FOXJ3: variants seen among roughly 807,000 people sequenced by gnomAD.
FOXJ3 encodes the protein forkhead box protein J3.
Under a neutral mutation model 76.1 loss-of-function variants are expected in FOXJ3, and 22 were observed. That is an observed-to-expected ratio of 0.29 (90% CI 0.21 to 0.41). The LOEUF is 0.41. Ranked by LOEUF, FOXJ3 falls within the 10% of genes least tolerant of loss-of-function variation. The pLI, the probability that FOXJ3 is intolerant of heterozygous loss-of-function variation, is 1.00. For missense variants in FOXJ3, 613 were observed against 762.1 expected, an observed-to-expected ratio of 0.80 and a Z score of 2.30; for synonymous variants, 269 against 261.2, an observed-to-expected ratio of 1.03 and a Z score of -0.29.
intron 2 of FOXJ3, among the ~76,000 whole-genome samples, chr1:42,286,601 T>C (rs910980391): frequency 1.3e-5 from 2 of 152,218 alleles, no homozygotes; most frequent in African/African-American, 4.8e-5. Flanking sequence ...CAAGTTAATA[T>C]TAATATGAAG....
intron 1 of FOXJ3, among the ~76,000 whole-genome samples, chr1:42,321,206 T>C (rs1006671460): frequency 6.6e-6 from 1 of 152,198 alleles, no homozygotes; most frequent in African/African-American, 2.4e-5. Context: ...AAAAGTTATC[T>C]CAGCTGATTC....
At chr1:42,269,147 C>T (rs2124641784) in intron 3 of FOXJ3, among the ~76,000 whole-genome samples, 1 of 152,142 alleles carries the variant, frequency 6.6e-6, no homozygotes, top group Admixed American at 6.6e-5. Flanking sequence ...CTAGAGTAAT[C>T]ACTAAAAACA....
intron 5 of FOXJ3, among the ~76,000 whole-genome samples, chr1:42,225,575 T>G (rs574849226): frequency 5.9e-5 from 9 of 152,194 alleles, no homozygotes; most frequent in South Asian, 2.1e-4. Flanking sequence ...CTTTGTATGC[T>G]CCTACAGGGG....
intron 4 of FOXJ3, among the ~76,000 whole-genome samples, chr1:42,237,582 ATC>A (rs1648789285): frequency 1.3e-5 from 2 of 151,078 alleles, no homozygotes; most frequent in Non-Finnish European, 2.9e-5. Context: ...ATCTGTGGTT[ATC>A]TGTTTTCATA....
intron 1 of FOXJ3, among the ~76,000 whole-genome samples, chr1:42,327,008 A>G (rs1371649739): frequency 6.6e-6 from 1 of 152,178 alleles, no homozygotes; most frequent in Non-Finnish European, 1.5e-5. Flanking sequence ...TAGGAATATC[A>G]CTATTAACAC....
At chr1:42,213,614 T>C (rs1164981635) in intron 5 of FOXJ3, among the ~76,000 whole-genome samples, 4 of 152,186 alleles carry the variant, frequency 2.6e-5, no homozygotes, top group Admixed American at 1.3e-4. Context: ...AAAAGAGACA[T>C]GGTACACATA....
At position 42,200,735 on chromosome 1, in the gene FOXJ3, T is replaced by C. The variant is rs184456354; in HGVS notation, c.631-1505A>G. Among the ~76,000 whole-genome samples the C allele has an allele frequency of 6.7e-4, 102 of 152,270 alleles. 1 individual carries two copies. The highest frequency in any genetic ancestry group is 1.8e-4 in the Non-Finnish European group (12 of 67,998). ...CCTCGTGATCCACCCCACCTCAGCCTCCCAAAGGAGGCTTTGGGATTACAG... is the reference window on the plus strand; with the variant it reads ...CCTCGTGATCCACCCCACCTCAGCCCCCCAAAGGAGGCTTTGGGATTACAG... On this transcript the variant is annotated intron_variant, in intron 6 of 12. Transcript: ENST00000361346.
At chr1:42,193,335 G>C (rs905107088) in intron 8 of FOXJ3, among the ~76,000 whole-genome samples, 3 of 149,634 alleles carry the variant, frequency 2.0e-5, no homozygotes, top group African/African-American at 7.3e-5. Context: ...CCAGAGATGA[G>C]AAGTAAACTC....
At chr1:42,250,470 C>G (rs886893167) in intron 4 of FOXJ3, among the ~76,000 whole-genome samples, 3 of 152,126 alleles carry the variant, frequency 2.0e-5, no homozygotes, top group African/African-American at 7.2e-5. Flanking sequence ...AATTCTCTAG[C>G]ATCAAAACAA....
intron 4 of FOXJ3, among the ~76,000 whole-genome samples, chr1:42,239,356 T>G (rs979186106): frequency 4.6e-5 from 7 of 152,234 alleles, no homozygotes; most frequent in Non-Finnish European, 7.3e-5. Context: ...TAATATAAAC[T>G]GTAGATTTTT....
rs143410967 is a variant in FOXJ3 at position 42,240,471 on chromosome 1, T to C, written c.445-12505A>G. ...CAGACTTCAAAACTTATTATAAAGT[T>C]GTAGTAATCAGAACAGTGTGATGCT... On this transcript the variant is annotated intron_variant, in intron 4 of 12. Coordinates refer to ENST00000361346, the MANE Select transcript of FOXJ3 (RefSeq NM_014947.5). Among the ~76,000 whole-genome samples, 940 of 152,322 alleles carry C rather than the reference T, an allele frequency of 6.2e-3. 7 individuals carry two copies. Among genetic ancestry groups the C allele is most frequent in the African/African-American group, 0.021 (889 of 41,578 alleles).
chr1:42,190,520 T>A (rs1179158030), intron 9 of FOXJ3, among the ~76,000 whole-genome samples: 2 of 152,334 alleles, frequency 1.3e-5, no homozygotes, highest in Admixed American at 6.5e-5. Flanking sequence ...CAGACTCAGA[T>A]CCTTTAGTTC....
Position 42,267,747 on chromosome 1 carries a change from G to A in FOXJ3, c.370-2558C>T, listed in dbSNP as rs79183371. On this transcript the variant is annotated intron_variant, in intron 3 of 12. Coordinates refer to ENST00000361346, the MANE Select transcript of FOXJ3 (RefSeq NM_014947.5). ...GACAACTTGCTTGCATAAAGAGATG[G>A]AGAATTTCAACAGAAATGTGAAAAC... is the stretch of plus-strand genomic sequence containing the variant. Among the ~76,000 whole-genome samples, 1,241 of 152,180 alleles carry A rather than the reference G, an allele frequency of 8.2e-3. 20 individuals are homozygous for A. Among genetic ancestry groups the A allele is most frequent in the African/African-American group, 0.029 (1,203 of 41,532 alleles).
rs373382804 is a variant in FOXJ3, at chr1:42,308,414, C to G, written c.44+2636G>C. Among the ~76,000 whole-genome samples the G allele has an allele frequency of 5.8e-4, 89 of 152,158 alleles. 3 individuals are homozygous for G. In the South Asian group the frequency reaches 0.017, roughly 29 times the overall value. ...GTTATTAAGTAATCCAGTTTTTCTTCCCTTCTTCGTCTCAAAACAATACTG... is the reference window on the plus strand; with the variant it reads ...GTTATTAAGTAATCCAGTTTTTCTTGCCTTCTTCGTCTCAAAACAATACTG... On this transcript the variant is annotated intron_variant, in intron 2 of 12. Transcript: ENST00000361346.
intron 1 of FOXJ3, chr1:42,334,145 T>A (rs982890634): frequency 1.0e-6 from 1 of 981,090 alleles, no homozygotes; most frequent in African/African-American, 1.8e-5. Context: ...CCTGAATGCA[T>A]CGGTAGCAAG....
At chr1:42,286,306 T>C (rs1023213079) in intron 2 of FOXJ3, among the ~76,000 whole-genome samples, 4 of 152,188 alleles carry the variant, frequency 2.6e-5, no homozygotes, top group Admixed American at 2.6e-4. Flanking sequence ...TTAGTATAAT[T>C]TCCGCAAAAT....
intron 2 of FOXJ3, among the ~76,000 whole-genome samples, chr1:42,283,238 G>C (rs1443806373): frequency 1.3e-5 from 2 of 152,184 alleles, no homozygotes; most frequent in African/African-American, 4.8e-5. Context: ...GCAGTTCTTA[G>C]ATCTATGATG....
chr1:42,304,065 A>C (rs1654317981), intron 2 of FOXJ3, among the ~76,000 whole-genome samples: 1 of 152,198 alleles, frequency 6.6e-6, no homozygotes, highest in African/African-American at 2.4e-5. Context: ...GGACAGCTGC[A>C]GGAGACAAAA....
intron 5 of FOXJ3, among the ~76,000 whole-genome samples, chr1:42,211,649 A>T (rs1333629949): frequency 6.6e-6 from 1 of 152,146 alleles, no homozygotes. Context: ...GAAAATTTTT[A>T]AATGCACGCC....
Sources: gnomAD v4.1 joint callset for allele counts (sites outside exome capture counted in the v4.1 genomes callset) on GRCh38, gnomAD v4.1.1 for gene constraint, MANE v1.5 for transcripts, NCBI Gene and HGNC (gene_info 2026-07-23, HGNC 2026-07-21) for gene names.